The following MAML2 variants were observed in gnomAD, a reference collection of about 807,000 sequenced individuals.
The protein encoded by MAML2 is mastermind like transcriptional coactivator 2.
A neutral mutation model predicts 96.1 loss-of-function variants in MAML2; 22 were observed. The ratio of observed to expected loss-of-function variants is 0.23; its 90% CI spans 0.16 to 0.33. The LOEUF is 0.33. Among genes scored for constraint, MAML2 ranks in the 10% least tolerant of loss-of-function variants. MAML2 has a pLI of 1.00. For synonymous variants in MAML2, 561 were observed against 521.3 expected, an observed-to-expected ratio of 1.08 and a Z score of -1.04; for missense variants, 1,367 against 1,392.4, an observed-to-expected ratio of 0.98 and a Z score of 0.29.
At chr11:96,293,762 A>G (rs2135993387) in intron 1 of MAML2, among the ~76,000 whole-genome samples, 1 of 152,332 alleles carries the variant, frequency 6.6e-6, no homozygotes, top group East Asian at 1.9e-4. Flanking sequence ...AAAGTGAAAC[A>G]GACTCACAGA....
chr11:96,142,663 C>T (rs982219369), intron 1 of MAML2, among the ~76,000 whole-genome samples: 9 of 152,150 alleles, frequency 5.9e-5, no homozygotes, highest in South Asian at 4.1e-4. Context: ...TGCCAAAGAA[C>T]GAAATTATCC....
intron 2 of MAML2, among the ~76,000 whole-genome samples, chr11:96,077,239 T>TTTTA (rs375340984): frequency 6.7e-6 from 1 of 148,462 alleles, no homozygotes; most frequent in Non-Finnish European, 1.5e-5. Context: ...TTTTTTTTTT[T>TTTTA]AAAGACAGTC....
intron 1 of MAML2, among the ~76,000 whole-genome samples, chr11:96,112,495 G>A (rs1007044819): frequency 6.6e-6 from 1 of 152,228 alleles, no homozygotes; most frequent in Non-Finnish European, 1.5e-5. Context: ...TGCCTGAGCC[G>A]CTGGGTATGC....
intron 1 of MAML2, among the ~76,000 whole-genome samples, chr11:96,273,548 C>A (rs1435565163): frequency 6.6e-6 from 1 of 151,722 alleles, no homozygotes; most frequent in Non-Finnish European, 1.5e-5. Context: ...TTTTTTCTTT[C>A]TATTGCAAGT....
intron 1 of MAML2, among the ~76,000 whole-genome samples, chr11:96,163,188 A>C (rs1861140811): frequency 4.6e-5 from 7 of 152,198 alleles, no homozygotes; most frequent in Admixed American, 3.9e-4. Context: ...CGGCAGTTTA[A>C]GTATACACTT....
chr11:96,109,131 A>G (rs964906537), intron 1 of MAML2, among the ~76,000 whole-genome samples: 2 of 152,196 alleles, frequency 1.3e-5, no homozygotes, highest in Admixed American at 6.5e-5. Flanking sequence ...CAGTAGAGGA[A>G]ACATCCATTT....
intron 1 of MAML2, among the ~76,000 whole-genome samples, chr11:96,159,346 C>T (rs935981200): frequency 6.6e-6 from 1 of 152,046 alleles, no homozygotes; most frequent in East Asian, 1.9e-4. Flanking sequence ...TGTTGTCAGT[C>T]CCTTACCCCA....
In MAML2 at chr11:95,979,778, A is replaced by C. The variant is rs561426735; in HGVS notation, c.2641T>G (p.Tyr881Asp). 1 of 1,613,854 alleles carries C rather than the reference A, an allele frequency of 6.2e-7. No homozygotes were observed. The highest frequency in any genetic ancestry group is 8.5e-7 in the Non-Finnish European group (1 of 1,179,846). ...TGATTCATTCCTGAAGTGACACTGT[A>C]TGTGTTAGGTTGATTACAAGGCAGA... ...GNLPCNQPNT[Y>D]SVTSGMNQLT... Residue 881 changes from tyrosine to aspartate, a missense_variant, in exon 5 of 5, where the codon TAC becomes GAC. Tyr to Asp is a radical substitution (Grantham distance 160). Transcript: ENST00000524717.
chr11:96,158,147 C>A (rs954739951), intron 1 of MAML2, among the ~76,000 whole-genome samples: 1 of 152,106 alleles, frequency 6.6e-6, no homozygotes, highest in East Asian at 1.9e-4. Context: ...ATAATTCTTG[C>A]TAAAATGAAT....
intron 2 of MAML2, among the ~76,000 whole-genome samples, chr11:96,071,257 G>T (rs922037697): frequency 2.0e-5 from 3 of 152,274 alleles, no homozygotes; most frequent in Admixed American, 1.3e-4. Flanking sequence ...TCAGCTATAA[G>T]ACCACAGAGT....
At chr11:96,187,823 C>G (rs1195017661) in intron 1 of MAML2, among the ~76,000 whole-genome samples, 1 of 151,606 alleles carries the variant, frequency 6.6e-6, no homozygotes, top group Non-Finnish European at 1.5e-5. Context: ...AAATAACTGT[C>G]GTGTTTAGGA....
intron 2 of MAML2, among the ~76,000 whole-genome samples, chr11:96,037,205 C>A (rs4753715): frequency 0.62 from 93,113 of 150,838 alleles, 30,034 homozygotes; most frequent in East Asian, 0.91. Context: ...ACAACAACAA[C>A]AAAAAAAATA....
At chr11:96,334,255 T>G (rs1043278680) in intron 1 of MAML2, among the ~76,000 whole-genome samples, 8 of 152,224 alleles carry the variant, frequency 5.3e-5, no homozygotes, top group African/African-American at 1.4e-4. Flanking sequence ...AATTCTGGGC[T>G]GGGAAACCTA....
chr11:96,212,077 T>G (rs1362426585), intron 1 of MAML2, among the ~76,000 whole-genome samples: 1 of 150,786 alleles, frequency 6.6e-6, no homozygotes, highest in Admixed American at 6.6e-5. Context: ...CTGAGAATGC[T>G]TGATTAATTT....
At chr11:96,085,378 TTACTGA>T (rs1859593273) in intron 2 of MAML2, among the ~76,000 whole-genome samples, 1 of 152,168 alleles carries the variant, frequency 6.6e-6, no homozygotes, top group Non-Finnish European at 1.5e-5. Flanking sequence ...ATGTGCAAAT[TTACTGA>T]TTAGTGAACT....
intron 1 of MAML2, among the ~76,000 whole-genome samples, chr11:96,261,386 G>C (rs1171970410): frequency 6.6e-6 from 1 of 151,984 alleles, no homozygotes; most frequent in African/African-American, 2.4e-5. Flanking sequence ...AAATTACCCA[G>C]TTTTGGGTGT....
chr11:96,064,885 A>C (rs769632103), intron 2 of MAML2, among the ~76,000 whole-genome samples: 3 of 152,226 alleles, frequency 2.0e-5, no homozygotes, highest in Non-Finnish European at 4.4e-5. Flanking sequence ...CTCGCTTTTC[A>C]TATAGAAGTT....
chr11:96,115,728 A>C (rs972792930), intron 1 of MAML2, among the ~76,000 whole-genome samples: 1 of 152,198 alleles, frequency 6.6e-6, no homozygotes, highest in African/African-American at 2.4e-5. Context: ...CTGGAGAAAC[A>C]TAAAGCACAG....
intron 1 of MAML2, among the ~76,000 whole-genome samples, chr11:96,326,642 C>CA (rs953511684): frequency 6.6e-5 from 10 of 151,666 alleles, no homozygotes; most frequent in African/African-American, 2.2e-4. Context: ...TGAAAAAATA[C>CA]AAAAAATTAG....
Sources: gnomAD v4.1 joint callset for allele counts (sites outside exome capture counted in the v4.1 genomes callset) on GRCh38, gnomAD v4.1.1 for gene constraint, MANE v1.5 for transcripts, NCBI Gene and HGNC (gene_info 2026-07-23, HGNC 2026-07-21) for gene names.